Variants in AGBL4 observed in about 807,000 individuals in gnomAD.
The protein encoded by AGBL4 is AGBL carboxypeptidase 4, also known as cytosolic carboxypeptidase 6.
In AGBL4, 58 loss-of-function variants were observed where a neutral mutation model predicts 66.4. That is an observed-to-expected ratio of 0.87 (90% confidence interval 0.71 to 1.09). AGBL4 has a LOEUF of 1.09. Among genes scored for constraint, AGBL4 ranks in the 50% least tolerant of loss-of-function variants. The probability of loss-of-function intolerance (pLI) is 0.00; values close to 1 mark genes in which losing one functional copy is unlikely to be tolerated. For synonymous variants in AGBL4, 234 were observed against 222.9 expected, an observed-to-expected ratio of 1.05 and a Z score of -0.44; for missense variants, 579 against 631.0, an observed-to-expected ratio of 0.92 and a Z score of 0.88.
intron 4 of AGBL4, among the ~76,000 whole-genome samples, chr1:49,212,991 AT>A (rs1648791644): frequency 6.6e-6 from 1 of 152,032 alleles, no homozygotes; most frequent in African/African-American, 2.4e-5. Flanking sequence ...GAACAGTCTG[AT>A]TTTTCCACAT....
At chr1:48,783,257 G>T (rs1324705542) in intron 6 of AGBL4, among the ~76,000 whole-genome samples, 1 of 152,178 alleles carries the variant, frequency 6.6e-6, no homozygotes, top group Non-Finnish European at 1.5e-5. Context: ...ATCCTGAGCT[G>T]TGTAGTCACA....
intron 3 of AGBL4, among the ~76,000 whole-genome samples, chr1:49,395,777 ATG>A (rs1285074168): frequency 3.6e-5 from 5 of 139,384 alleles, no homozygotes; most frequent in African/African-American, 8.2e-5. Flanking sequence ...ATATATATAC[ATG>A]TGTATATATG....
intron 2 of AGBL4, among the ~76,000 whole-genome samples, chr1:49,757,012 T>G (rs1213636010): frequency 6.6e-6 from 1 of 152,134 alleles, no homozygotes; most frequent in East Asian, 1.9e-4. Context: ...TGAATTGTAA[T>G]CTGAATGATA....
At chr1:49,777,214 A>G (rs1453889807) in intron 2 of AGBL4, among the ~76,000 whole-genome samples, 4 of 152,112 alleles carry the variant, frequency 2.6e-5, no homozygotes, top group African/African-American at 7.2e-5. Context: ...CTGGTGAATT[A>G]ATTGTATTAA....
At chr1:49,352,881 A>G (rs1311998741) in intron 3 of AGBL4, among the ~76,000 whole-genome samples, 2 of 152,176 alleles carry the variant, frequency 1.3e-5, no homozygotes, top group African/African-American at 4.8e-5. Context: ...GTAGCAGCAG[A>G]TGGAGTTGGG....
chr1:48,809,773 G>A (rs1006006339), intron 6 of AGBL4, among the ~76,000 whole-genome samples: 12 of 152,108 alleles, frequency 7.9e-5, no homozygotes, highest in African/African-American at 9.7e-5. Flanking sequence ...TTCCAAAGAC[G>A]GGTATCCCTA....
At chr1:48,634,297 G>T in intron 9 of AGBL4, 196 bp downstream of exon 9, 1 of 454,838 alleles carries the variant, frequency 2.2e-6, no homozygotes. Flanking sequence ...TCCACTATTT[G>T]TGAGAGGTTG....
At chr1:49,805,282 G>C (rs1275609534) in intron 2 of AGBL4, among the ~76,000 whole-genome samples, 1 of 152,188 alleles carries the variant, frequency 6.6e-6, no homozygotes, top group East Asian at 1.9e-4. Context: ...TAAGAATTCA[G>C]ATTTAGCAAA....
At chr1:49,272,775 T>C (rs979125317) in intron 3 of AGBL4, among the ~76,000 whole-genome samples, 1 of 152,192 alleles carries the variant, frequency 6.6e-6, no homozygotes, top group South Asian at 2.1e-4. Context: ...TATATGTCTG[T>C]TTATATACTG....
chr1:49,499,613 T>C (rs2148760669), intron 3 of AGBL4, among the ~76,000 whole-genome samples: 1 of 152,010 alleles, frequency 6.6e-6, no homozygotes, highest in Admixed American at 6.6e-5. Flanking sequence ...ACATATGATA[T>C]CTGGTTTTCC....
At chr1:50,018,232 C>T (rs1662139463) in intron 1 of AGBL4, among the ~76,000 whole-genome samples, 1 of 151,962 alleles carries the variant, frequency 6.6e-6, no homozygotes, top group Admixed American at 6.6e-5. Flanking sequence ...TGTTTAGAGA[C>T]TCAAAAGTAT....
chr1:49,506,859 A>T (rs773457899), intron 3 of AGBL4, among the ~76,000 whole-genome samples: 17 of 152,006 alleles, frequency 1.1e-4, no homozygotes, highest in Non-Finnish European at 1.5e-4. Context: ...AAAAACAGAT[A>T]AGCTGGGCTG....
chr1:49,836,134 G>T (rs758830231), intron 2 of AGBL4, among the ~76,000 whole-genome samples: 16 of 152,280 alleles, frequency 1.1e-4, no homozygotes, highest in Non-Finnish European at 1.0e-4. Flanking sequence ...GTCTTGCTAG[G>T]TTGGGAAGTT....
At chr1:49,246,911 C>T (rs538551523) in intron 3 of AGBL4, among the ~76,000 whole-genome samples, 1 of 151,892 alleles carries the variant, frequency 6.6e-6, no homozygotes, top group Non-Finnish European at 1.5e-5. Context: ...GTATTTACTG[C>T]GTGAGGTATT....
intron 6 of AGBL4, among the ~76,000 whole-genome samples, chr1:48,787,500 A>G (rs1645436899): frequency 6.6e-6 from 1 of 152,208 alleles, no homozygotes; most frequent in African/African-American, 2.4e-5. Flanking sequence ...GCACAAAGGA[A>G]TACTTATTAA....
At chr1:49,917,764 A>C (rs1651715839) in intron 1 of AGBL4, among the ~76,000 whole-genome samples, 1 of 152,226 alleles carries the variant, frequency 6.6e-6, no homozygotes, top group Non-Finnish European at 1.5e-5. Flanking sequence ...TCTCCACCAC[A>C]AATCAACAGA....
rs1009648982 is a variant in AGBL4 at position 49,258,872 on chromosome 1, C to A, written c.283-13008G>T. ...ATAATTGTCAGATTCACCAAAGTTG[C>A]AATGAAGTAAAAAATCTTAAGGGCA... On this transcript the variant is annotated intron_variant, in intron 3 of 13. Coordinates refer to ENST00000371839, the MANE Select transcript of AGBL4 (RefSeq NM_032785.4). Among the ~76,000 whole-genome samples, 10 of 152,034 alleles carry A rather than the reference C, an allele frequency of 6.6e-5. No homozygotes were observed. In the South Asian group the frequency reaches 8.3e-4, roughly 13 times the overall value.
chr1:48,770,380 G>T (rs990375090), intron 6 of AGBL4, among the ~76,000 whole-genome samples: 25 of 152,234 alleles, frequency 1.6e-4, no homozygotes, highest in African/African-American at 5.3e-4. Flanking sequence ...TGGTTTCCAG[G>T]ACACCTATCT....
chr1:48,760,655 C>T (rs1347182453), intron 6 of AGBL4, among the ~76,000 whole-genome samples: 1 of 152,186 alleles, frequency 6.6e-6, no homozygotes, highest in African/African-American at 2.4e-5. Context: ...ATGAACTGAA[C>T]TCAGCTACAT....
Sources: gnomAD v4.1 joint callset for allele counts (sites outside exome capture counted in the v4.1 genomes callset) on GRCh38, gnomAD v4.1.1 for gene constraint, MANE v1.5 for transcripts, NCBI Gene and HGNC (gene_info 2026-07-23, HGNC 2026-07-21) for gene names.